PTPRD: variants seen among roughly 807,000 people sequenced by gnomAD.
PTPRD encodes the protein protein tyrosine phosphatase receptor type D.
PTPRD carries 34 observed loss-of-function variants against 214.5 expected under a neutral mutation model. The ratio of observed to expected loss-of-function variants is 0.16; its 90% CI spans 0.12 to 0.21. The LOEUF (loss-of-function observed/expected upper bound fraction) is 0.21, where lower values mean the gene tolerates loss of function less well. Ranked by LOEUF, PTPRD falls within the 10% of genes least tolerant of loss-of-function variation. PTPRD has a pLI of 1.00. For missense variants in PTPRD, 2,545 were observed against 2,398.7 expected, an observed-to-expected ratio of 1.06 and a Z score of -1.27; for synonymous variants, 1,128 against 845.7, an observed-to-expected ratio of 1.33 and a Z score of -5.79.
At chr9:10,452,994 A>G (rs2098856318) in intron 2 of PTPRD, among the ~76,000 whole-genome samples, 1 of 151,446 alleles carries the variant, frequency 6.6e-6, no homozygotes, top group Non-Finnish European at 1.5e-5. Context: ...TTTTGAGTTG[A>G]TTTTTGTGTG....
rs724159863 is a variant in PTPRD at position 8,341,947 on chromosome 9, C to T, written c.4693G>A (p.Val1565Ile). 23 of 1,611,948 alleles carry T rather than the reference C, an allele frequency of 1.4e-5. No homozygotes were observed. Among genetic ancestry groups the T allele is most frequent in the Non-Finnish European group, 1.9e-5 (22 of 1,179,152 alleles). Residue 1565 changes from valine to isoleucine, a missense_variant, in exon 40 of 46, where the codon GTC (valine) becomes ATC (isoleucine). Physicochemically the swap from Val to Ile is conservative, Grantham distance 29. Transcript: ENST00000381196. The stretch of plus-strand genomic sequence containing the variant: ...ATTCTTTCTAACATGGCATCTATGA[C>T]GATGAAGCAACCAGTCCGGCCAACT... ...AGVGRTGCFI[V>I]IDAMLERIKH...
At chr9:8,821,183 G>T (rs1251786874) in intron 11 of PTPRD, among the ~76,000 whole-genome samples, 1 of 152,224 alleles carries the variant, frequency 6.6e-6, no homozygotes, top group South Asian at 2.1e-4. Flanking sequence ...GTGAGAAAAA[G>T]GAAACAATGG....
chr9:9,369,766 C>G (rs1203360144), intron 9 of PTPRD, among the ~76,000 whole-genome samples: 1 of 152,072 alleles, frequency 6.6e-6, no homozygotes, highest in African/African-American at 2.4e-5. Context: ...AGTCTTTAAT[C>G]CATCTTGAAT....
chr9:8,946,239 G>C (rs1001958409), intron 11 of PTPRD, among the ~76,000 whole-genome samples: 1 of 151,950 alleles, frequency 6.6e-6, no homozygotes, highest in East Asian at 1.9e-4. Flanking sequence ...CTTCATTTTA[G>C]TGTCAGTTTG....
intron 2 of PTPRD, among the ~76,000 whole-genome samples, chr9:10,501,815 A>G (rs1040937311): frequency 1.3e-5 from 2 of 151,970 alleles, no homozygotes; most frequent in African/African-American, 4.8e-5. Context: ...TTGTTGACAA[A>G]TTCAACACAG....
intron 10 of PTPRD, among the ~76,000 whole-genome samples, chr9:9,028,699 C>T (rs1468158513): frequency 6.6e-6 from 1 of 151,916 alleles, no homozygotes; most frequent in Non-Finnish European, 1.5e-5. Context: ...TATTGGCAGT[C>T]TGGCTAGGGT....
At chr9:9,695,434 A>C (rs147396691) in intron 7 of PTPRD, among the ~76,000 whole-genome samples, 60 of 152,284 alleles carry the variant, frequency 3.9e-4, no homozygotes, top group African/African-American at 1.4e-3. Context: ...ACCCTCTCTT[A>C]GCTGTGCCCA....
At chr9:10,578,843 T>A (rs114808195) in intron 2 of PTPRD, among the ~76,000 whole-genome samples, 52 of 152,230 alleles carry the variant, frequency 3.4e-4, no homozygotes, top group African/African-American at 1.3e-3. Context: ...AGGTGGTGAG[T>A]ATAGTACCCA....
chr9:9,456,398 AC>A (rs2093004227), intron 8 of PTPRD, among the ~76,000 whole-genome samples: 1 of 151,844 alleles, frequency 6.6e-6, no homozygotes, highest in African/African-American at 2.4e-5. Flanking sequence ...TAAATACAAA[AC>A]CATTCAATTC....
At chr9:9,934,063 G>T (rs1449310511) in intron 5 of PTPRD, among the ~76,000 whole-genome samples, 1 of 149,132 alleles carries the variant, frequency 6.7e-6, no homozygotes, top group Non-Finnish European at 1.5e-5. Context: ...AGAATCTCTG[G>T]GACACATTCA....
intron 45 of PTPRD, 54 bp from the exon 46 acceptor site, chr9:8,317,996 T>G: frequency 7.6e-6 from 11 of 1,455,774 alleles, no homozygotes; most frequent in Non-Finnish European, 1.0e-5. Flanking sequence ...GAGCATATTT[T>G]AATAGAAAAA....
intron 5 of PTPRD, among the ~76,000 whole-genome samples, chr9:9,835,508 A>T (rs2056490968): frequency 6.6e-6 from 1 of 152,114 alleles, no homozygotes; most frequent in African/African-American, 2.4e-5. Flanking sequence ...GTATGCGGAA[A>T]GAAAGAAACT....
Position 9,715,225 on chromosome 9 carries a change from T to A in PTPRD, c.-287+19308A>T, listed in dbSNP as rs542897105. Among the ~76,000 whole-genome samples, 7 of 152,328 alleles carry A rather than the reference T, an allele frequency of 4.6e-5. No homozygotes were observed. In the South Asian group the frequency reaches 1.4e-3, roughly 32 times the overall value. On this transcript the variant is annotated intron_variant, in intron 7 of 45. Coordinates refer to ENST00000381196, the MANE Select transcript of PTPRD (RefSeq NM_002839.4). ...CGTACAATTATGGTACTGCAATTTATGACTTTCTGTTCCTACTATATTGCG... is the reference window on the plus strand; with the variant it reads ...CGTACAATTATGGTACTGCAATTTAAGACTTTCTGTTCCTACTATATTGCG...
intron 5 of PTPRD, among the ~76,000 whole-genome samples, chr9:9,830,104 T>C (rs2054317457): frequency 6.6e-6 from 1 of 151,734 alleles, no homozygotes; most frequent in African/African-American, 2.4e-5. Context: ...TATTGTTTTA[T>C]AATTTTATTT....
intron 12 of PTPRD, among the ~76,000 whole-genome samples, chr9:8,699,991 T>C (rs1021289576): frequency 7.2e-5 from 11 of 152,222 alleles, no homozygotes; most frequent in African/African-American, 2.7e-4. Flanking sequence ...CCAACATTTA[T>C]GATGGCGGCA....
At chr9:8,818,375 AAT>A (rs1600780939) in intron 11 of PTPRD, among the ~76,000 whole-genome samples, 1 of 152,322 alleles carries the variant, frequency 6.6e-6, no homozygotes, top group East Asian at 1.9e-4. Context: ...AATTTGGTTT[AAT>A]AACTTATTTA....
At chr9:8,354,292 G>GT (rs1163387107) in intron 39 of PTPRD, among the ~76,000 whole-genome samples, 1 of 151,876 alleles carries the variant, frequency 6.6e-6, no homozygotes, top group East Asian at 1.9e-4. Flanking sequence ...AACACAAGAA[G>GT]TAACAGCAAA....
At chr9:8,471,539 C>G (rs1184723273) in intron 30 of PTPRD, among the ~76,000 whole-genome samples, 2 of 152,080 alleles carry the variant, frequency 1.3e-5, no homozygotes, top group African/African-American at 4.8e-5. Context: ...GTTGTTTATA[C>G]AAACCTAAAA....
intron 9 of PTPRD, among the ~76,000 whole-genome samples, chr9:9,345,789 T>G (rs995932550): frequency 1.3e-5 from 2 of 152,116 alleles, no homozygotes; most frequent in Non-Finnish European, 2.9e-5. Flanking sequence ...GATATCAACT[T>G]CAGAAGGTTA....
Sources: gnomAD v4.1 joint callset for allele counts (sites outside exome capture counted in the v4.1 genomes callset) on GRCh38, gnomAD v4.1.1 for gene constraint, MANE v1.5 for transcripts, NCBI Gene and HGNC (gene_info 2026-07-23, HGNC 2026-07-21) for gene names.